The following DTWD2 variants were observed in gnomAD, a reference collection of about 807,000 sequenced individuals.
The protein encoded by DTWD2 is tRNA-uridine aminocarboxypropyltransferase 2.
DTWD2 carries 39 observed loss-of-function variants against 31.8 expected under a neutral mutation model. The ratio of observed to expected loss-of-function variants is 1.22; its 90% CI spans 0.95 to 1.60. The LOEUF is 1.60. Ranked by LOEUF, DTWD2 falls within the 40% of genes most tolerant of loss-of-function variation. The pLI is 0.00. For missense variants in DTWD2, 515 were observed against 381.5 expected, an observed-to-expected ratio of 1.35 and a Z score of -2.92; for synonymous variants, 180 against 142.8, an observed-to-expected ratio of 1.26 and a Z score of -1.86.
intron 4 of DTWD2, among the ~76,000 whole-genome samples, chr5:118,923,694 A>T (rs913475942): frequency 1.3e-5 from 2 of 151,858 alleles, no homozygotes; most frequent in Non-Finnish European, 1.5e-5. Context: ...ATAAACTTCA[A>T]CTCCTACTCT....
At chr5:118,867,727 A>G (rs1350505279) in intron 4 of DTWD2, among the ~76,000 whole-genome samples, 1 of 152,230 alleles carries the variant, frequency 6.6e-6, no homozygotes, top group Non-Finnish European at 1.5e-5. Context: ...CATCTATAAC[A>G]ACACTTAAAA....
chr5:118,866,299 A>T (rs1752379747), intron 4 of DTWD2, among the ~76,000 whole-genome samples: 1 of 152,092 alleles, frequency 6.6e-6, no homozygotes, highest in Non-Finnish European at 1.5e-5. Context: ...ATGATTCTTT[A>T]AAAAAAATCA....
intron 4 of DTWD2, among the ~76,000 whole-genome samples, chr5:118,891,317 C>T (rs1370373493): frequency 6.6e-6 from 1 of 152,058 alleles, no homozygotes; most frequent in East Asian, 1.9e-4. Context: ...GCAGTTTTAC[C>T]CACGATGCCC....
chr5:118,930,793 A>C (rs1229662933), intron 3 of DTWD2, among the ~76,000 whole-genome samples: 2 of 152,150 alleles, frequency 1.3e-5, no homozygotes, highest in African/African-American at 4.8e-5. Context: ...TCAAATATGG[A>C]TAACAAATAG....
At chr5:118,902,319 A>G (rs866519348) in intron 4 of DTWD2, among the ~76,000 whole-genome samples, 1 of 152,160 alleles carries the variant, frequency 6.6e-6, no homozygotes, top group African/African-American at 2.4e-5. Flanking sequence ...GAATGAGTAA[A>G]ATATAAGTAG....
intron 1 of DTWD2, among the ~76,000 whole-genome samples, chr5:118,965,087 C>T (rs1561474073): frequency 6.6e-6 from 1 of 151,878 alleles, no homozygotes; most frequent in Non-Finnish European, 1.5e-5. Flanking sequence ...CACTGCCCGG[C>T]CGCAACCCCG....
At position 118,944,642 on chromosome 5, in the gene DTWD2, G is replaced by A; in HGVS notation, c.226C>T (p.Gln76Ter). Residue 76 changes from glutamine (Q) to a stop codon, truncating the protein, a stop_gained, in exon 2 of 6, where the codon CAG (glutamine) becomes TAG (stop). Coordinates refer to ENST00000510708, the MANE Select transcript of DTWD2 (RefSeq NM_173666.4). LOFTEE classifies it high-confidence loss of function. ...AGAAATGGACACAAACACACTTTCT[G>A]AGGCCGGCTAAAGGGTAAAAAGAAA... Reference protein sequence around the residue: ...RPECTRCSRPQKVCLCPFLPA... With the variant: ...RPECTRCSRP 1 of 1,613,012 alleles carries A rather than the reference G, an allele frequency of 6.2e-7. No homozygotes were observed. The highest frequency in any genetic ancestry group is 8.5e-7 in the Non-Finnish European group (1 of 1,179,590).
At chr5:118,947,901 C>T (rs958999002) in intron 1 of DTWD2, among the ~76,000 whole-genome samples, 1 of 152,074 alleles carries the variant, frequency 6.6e-6, no homozygotes, top group African/African-American at 2.4e-5. Flanking sequence ...TATTGAGGAA[C>T]TTCAGTTATA....
chr5:118,971,792 T>A (rs1163961697), intron 1 of DTWD2, among the ~76,000 whole-genome samples: 1 of 152,124 alleles, frequency 6.6e-6, no homozygotes, highest in Non-Finnish European at 1.5e-5. Flanking sequence ...CAGACCACAG[T>A]GCAATCAAAT....
intron 4 of DTWD2, among the ~76,000 whole-genome samples, chr5:118,922,219 G>C (rs564005613): frequency 2.0e-5 from 3 of 152,166 alleles, no homozygotes; most frequent in Non-Finnish European, 4.4e-5. Context: ...CCAAGTTAAT[G>C]GGTTTGCATT....
intron 1 of DTWD2, among the ~76,000 whole-genome samples, chr5:118,946,439 A>T (rs924759284): frequency 1.3e-5 from 2 of 152,214 alleles, no homozygotes; most frequent in Non-Finnish European, 2.9e-5. Context: ...CACTCAGTAG[A>T]AACAGGAACA....
chr5:118,945,254 A>G (rs189777429), intron 1 of DTWD2, among the ~76,000 whole-genome samples: 204 of 152,148 alleles, frequency 1.3e-3, no homozygotes, highest in Non-Finnish European at 2.1e-3. Flanking sequence ...TTTTACTTAC[A>G]TTTTAGTGCT....
intron 4 of DTWD2, among the ~76,000 whole-genome samples, chr5:118,854,863 T>A (rs556685834): frequency 1.5e-4 from 23 of 152,288 alleles, no homozygotes; most frequent in African/African-American, 5.5e-4. Flanking sequence ...GAAATATGGT[T>A]TTAATAACCA....
At chr5:118,910,546 T>C (rs998191344) in intron 4 of DTWD2, among the ~76,000 whole-genome samples, 6 of 152,212 alleles carry the variant, frequency 3.9e-5, no homozygotes, top group Admixed American at 3.9e-4. Context: ...TTCTGAGGCC[T>C]CACCACAATT....
At chr5:118,890,564 T>TTC in intron 4 of DTWD2, among the ~76,000 whole-genome samples, 1 of 81,096 alleles carries the variant, frequency 1.2e-5, no homozygotes, top group South Asian at 4.4e-4. Context: ...AGGTTTTCCT[T>TTC]TTTTTTTTTT....
chr5:118,850,289 C>T (rs370354053), intron 4 of DTWD2, among the ~76,000 whole-genome samples: 6 of 144,704 alleles, frequency 4.1e-5, no homozygotes, highest in African/African-American at 1.5e-4. Context: ...CATGGTGAAA[C>T]CCTGTCTCTA....
intron 4 of DTWD2, among the ~76,000 whole-genome samples, chr5:118,899,110 T>C (rs1345477965): frequency 1.3e-5 from 2 of 152,228 alleles, no homozygotes; most frequent in East Asian, 1.9e-4. Context: ...ACAGCCTATT[T>C]AGTGCCACAT....
chr5:118,942,940 C>T (rs971445465), intron 2 of DTWD2, among the ~76,000 whole-genome samples: 2 of 152,028 alleles, frequency 1.3e-5, no homozygotes, highest in African/African-American at 4.8e-5. Flanking sequence ...GTAGCTAGGC[C>T]TATAGGCATA....
At chr5:118,933,608 A>T (rs1753972917) in intron 3 of DTWD2, among the ~76,000 whole-genome samples, 1 of 152,118 alleles carries the variant, frequency 6.6e-6, no homozygotes, top group Non-Finnish European at 1.5e-5. Flanking sequence ...AAGCCCACTC[A>T]TGATAAAAAC....
Sources: gnomAD v4.1 joint callset for allele counts (sites outside exome capture counted in the v4.1 genomes callset) on GRCh38, gnomAD v4.1.1 for gene constraint, MANE v1.5 for transcripts, NCBI Gene and HGNC (gene_info 2026-07-23, HGNC 2026-07-21) for gene names.